The following CNTN4 variants were observed in gnomAD, a reference collection of about 807,000 sequenced individuals.
The protein encoded by CNTN4 is contactin 4, also known as contactin-4.
A neutral mutation model predicts 122.5 loss-of-function variants in CNTN4; 77 were observed. The ratio of observed to expected loss-of-function variants is 0.63; its 90% CI spans 0.52 to 0.76. CNTN4 has a LOEUF of 0.76. Among genes scored for constraint, CNTN4 ranks in the 30% least tolerant of loss-of-function variants. The pLI, the probability that CNTN4 is intolerant of heterozygous loss-of-function variation, is 0.00. For missense variants in CNTN4, 1,256 were observed against 1,259.1 expected (o/e 1.00, Z 0.04); for synonymous variants, 512 against 447.0 (o/e 1.15, Z -1.83).
chr3:2,129,386 G>C (rs770973627), intron 2 of CNTN4, among the ~76,000 whole-genome samples: 1 of 145,694 alleles, frequency 6.9e-6, no homozygotes, highest in Non-Finnish European at 1.5e-5. Context: ...GTGAGAACCA[G>C]TAGTTTTGCA....
chr3:2,379,303 A>C (rs2045934551), intron 3 of CNTN4, among the ~76,000 whole-genome samples: 1 of 147,286 alleles, frequency 6.8e-6, no homozygotes, highest in Non-Finnish European at 1.5e-5. Flanking sequence ...TACCCTGCAG[A>C]TGGTTACCAA....
intron 6 of CNTN4, among the ~76,000 whole-genome samples, chr3:2,785,259 T>C (rs2091767407): frequency 6.6e-6 from 1 of 152,142 alleles, no homozygotes; most frequent in Admixed American, 6.6e-5. Context: ...AAGCTGGTGT[T>C]ATAATTCCAG....
At chr3:2,200,091 A>T (rs2038027882) in intron 2 of CNTN4, among the ~76,000 whole-genome samples, 1 of 152,166 alleles carries the variant, frequency 6.6e-6, no homozygotes, top group Non-Finnish European at 1.5e-5. Flanking sequence ...TTACCCCTGC[A>T]GTATGTAAAG....
At chr3:3,026,303 T>G (rs1302080026) in intron 15 of CNTN4, 26 bp downstream of exon 15, 12 of 1,595,602 alleles carry the variant, frequency 7.5e-6, no homozygotes, top group Middle Eastern at 1.7e-4. Context: ...AAAAACTGAC[T>G]CAAACTAACT....
intron 6 of CNTN4, among the ~76,000 whole-genome samples, chr3:2,757,690 G>A (rs1228394129): frequency 6.6e-6 from 1 of 152,164 alleles, no homozygotes; most frequent in Non-Finnish European, 1.5e-5. Flanking sequence ...CACCATGCTA[G>A]CTAGTTTTTA....
intron 6 of CNTN4, among the ~76,000 whole-genome samples, chr3:2,752,429 G>C (rs2090139397): frequency 6.6e-6 from 1 of 152,118 alleles, no homozygotes; most frequent in Non-Finnish European, 1.5e-5. Flanking sequence ...GCAGTGGCAC[G>C]ATCTCGGCTC....
Position 2,911,392 on chromosome 3 carries a change from A to T in CNTN4, c.1207+8387A>T, listed in dbSNP as rs537696363. Among the ~76,000 whole-genome samples, 3 of 152,336 alleles carry T rather than the reference A, an allele frequency of 2.0e-5. No homozygotes were observed. The East Asian group carries it at 5.8e-4, about 29-fold the overall frequency. On this transcript the variant is annotated intron_variant, in intron 12 of 24. Coordinates refer to ENST00000418658, the MANE Select transcript of CNTN4 (RefSeq NM_175607.3). ...GGGGATTACATACAAAAGCCCAGAG[A>T]AGATGCATCATCAGAAAAGGCTTGA...
chr3:2,609,992 A>G (rs2081414373), intron 4 of CNTN4, among the ~76,000 whole-genome samples: 1 of 152,248 alleles, frequency 6.6e-6, no homozygotes, highest in East Asian at 1.9e-4. Flanking sequence ...GAGGTTAGAG[A>G]TGATATCTTC....
chr3:2,733,397 C>T (rs192067653), intron 4 of CNTN4, among the ~76,000 whole-genome samples: 1 of 152,252 alleles, frequency 6.6e-6, no homozygotes, highest in East Asian at 1.9e-4. Context: ...GAAGTGAGCT[C>T]ACATTTGACC....
At chr3:2,729,568 A>C (rs1169267961) in intron 4 of CNTN4, among the ~76,000 whole-genome samples, 4 of 143,990 alleles carry the variant, frequency 2.8e-5, no homozygotes, top group African/African-American at 1.0e-4. Context: ...AAAAAAGAAG[A>C]GAAAAGAAAA....
intron 3 of CNTN4, among the ~76,000 whole-genome samples, chr3:2,349,029 C>T (rs1487197984): frequency 6.6e-6 from 1 of 152,160 alleles, no homozygotes; most frequent in Admixed American, 6.5e-5. Flanking sequence ...GTCCTCAGTA[C>T]TATAATATTT....
intron 3 of CNTN4, among the ~76,000 whole-genome samples, chr3:2,420,933 T>C (rs897929119): frequency 6.6e-6 from 1 of 152,190 alleles, no homozygotes; most frequent in Non-Finnish European, 1.5e-5. Flanking sequence ...ACTTCACGTT[T>C]TGCCTAATAA....
intron 2 of CNTN4, among the ~76,000 whole-genome samples, chr3:2,172,203 A>G (rs2036547415): frequency 1.3e-5 from 2 of 152,238 alleles, no homozygotes; most frequent in Admixed American, 6.5e-5. Context: ...TATATACACC[A>G]TGGAATACTA....
intron 4 of CNTN4, among the ~76,000 whole-genome samples, chr3:2,666,366 G>A (rs940430433): frequency 6.6e-6 from 1 of 151,976 alleles, no homozygotes; most frequent in Non-Finnish European, 1.5e-5. Flanking sequence ...GTCATTATAA[G>A]TAAGATCTGA....
intron 4 of CNTN4, among the ~76,000 whole-genome samples, chr3:2,717,282 A>G (rs1038007420): frequency 5.3e-5 from 8 of 152,122 alleles, no homozygotes; most frequent in African/African-American, 1.9e-4. Flanking sequence ...TGCAAATAAT[A>G]TGGTTTTTTA....
intron 12 of CNTN4, among the ~76,000 whole-genome samples, chr3:2,910,595 T>G (rs577606231): frequency 6.6e-6 from 1 of 152,364 alleles, no homozygotes; most frequent in South Asian, 2.1e-4. Context: ...CTAGTGAGAT[T>G]GTTTTCTACC....
intron 2 of CNTN4, among the ~76,000 whole-genome samples, chr3:2,267,733 C>G (rs2041109316): frequency 6.6e-6 from 1 of 151,852 alleles, no homozygotes; most frequent in Non-Finnish European, 1.5e-5. Flanking sequence ...TTAAAGTAAC[C>G]TATTGTCAAA....
rs192985424 is a variant in CNTN4, at chr3:2,841,427, A to C, written c.454+21846A>C. ...AAGGTAATGTGGTACATTTACAAATAAAAGAGGATTAGGATTATTTTCATT... is the reference window on the plus strand; with the variant it reads ...AAGGTAATGTGGTACATTTACAAATCAAAGAGGATTAGGATTATTTTCATT... On this transcript the variant is annotated intron_variant, in intron 7 of 24. Transcript: ENST00000418658. The surrounding 1 kb of genome is among the most constrained non-coding windows in gnomAD (Gnocchi z 4.8). 3.8e-3 allele frequency among the ~76,000 whole-genome samples: 578 copies of C among 152,332 alleles called. 5 individuals carry two copies. Among genetic ancestry groups the C allele is most frequent in the African/African-American group, 0.013 (549 of 41,572 alleles).
chr3:2,551,589 A>G (rs1332488563), intron 3 of CNTN4, among the ~76,000 whole-genome samples: 1 of 152,206 alleles, frequency 6.6e-6, no homozygotes, highest in Non-Finnish European at 1.5e-5. Flanking sequence ...GAAAAAAAGA[A>G]AAAGCCCTAA....
Sources: allele counts gnomAD v4.1 joint callset (sites outside exome capture counted in the v4.1 genomes callset), GRCh38; gene constraint gnomAD v4.1.1; non-coding constraint Gnocchi (gnomAD v3.1); transcripts MANE v1.5; gene names NCBI Gene and HGNC (gene_info 2026-07-23, HGNC 2026-07-21).